SCNN1B: variants seen among roughly 807,000 people sequenced by gnomAD.
The protein encoded by SCNN1B is sodium channel epithelial 1 subunit beta.
A neutral mutation model predicts 65.3 loss-of-function variants in SCNN1B; 46 were observed. The observed-to-expected ratio is 0.70, with a 90% CI of 0.56 to 0.90. The LOEUF is 0.90. Ranked by LOEUF, SCNN1B falls within the 40% of genes least tolerant of loss-of-function variation. The pLI is 0.00. For synonymous variants in SCNN1B, 349 were observed against 330.6 expected (o/e 1.06, Z -0.60); for missense variants, 751 against 830.5 (o/e 0.90, Z 1.18).
At chr16:23,364,927 A>G (rs1016695294) in intron 4 of SCNN1B, among the ~76,000 whole-genome samples, 2 of 152,076 alleles carry the variant, frequency 1.3e-5, no homozygotes, top group Non-Finnish European at 2.9e-5. Context: ...GGAGTTCGAG[A>G]CCAGCCTGGC....
rs13306631 is a variant in SCNN1B, at chr16:23,380,947, G to A, written c.*146G>A. ...TGTGTCCTTCAACAGAGAGGCCAGC[G>A]GCAACTGGTCCGTTACTGGCCAAGG... On this transcript the variant is annotated 3_prime_UTR_variant, in exon 13 of 13. Coordinates refer to ENST00000343070, the MANE Select transcript of SCNN1B (RefSeq NM_000336.3). This position sits in a 1 kb window ranked among gnomAD's most constrained non-coding sequence, Gnocchi z 5.4. The A allele has an allele frequency of 9.2e-6, 8 of 867,404 alleles. No homozygotes were observed. The highest frequency in any genetic ancestry group is 2.4e-5 in the East Asian group (1 of 41,398). The allele number at this position is 867,404 out of a possible 1,614,324, so 53.7% of individuals were successfully genotyped here.
At chr16:23,332,927 G>C (rs1401940932) in intron 1 of SCNN1B, among the ~76,000 whole-genome samples, 1 of 152,080 alleles carries the variant, frequency 6.6e-6, no homozygotes, top group Non-Finnish European at 1.5e-5. Context: ...AAACTTAGCT[G>C]GACGCGGCGG....
chr16:23,321,195 C>A (rs917378182), intron 1 of SCNN1B, among the ~76,000 whole-genome samples: 2 of 152,154 alleles, frequency 1.3e-5, no homozygotes, highest in African/African-American at 4.8e-5. Flanking sequence ...GGGTGTGCCA[C>A]CATGGCCAGC....
chr16:23,323,030 C>CA (rs111533667), intron 1 of SCNN1B, among the ~76,000 whole-genome samples: 5,450 of 132,818 alleles, frequency 0.041, 300 homozygotes, highest in African/African-American at 0.14. Flanking sequence ...ACTAAAAATA[C>CA]AAAAAAAAAA....
rs927033518 is a variant in SCNN1B, at chr16:23,364,260, T to C, written c.777-3596T>C. On this transcript the variant is annotated intron_variant, in intron 4 of 12. Transcript: ENST00000343070. ...TATTACTATTAGTAATAAAGTACTA[T>C]TAACTAATAGTTCTAGTCCATCACT... 2.0e-5 allele frequency among the ~76,000 whole-genome samples: 3 copies of C among 152,220 alleles called. No homozygotes were observed. The East Asian group carries it at 5.8e-4, about 29-fold the overall frequency.
chr16:23,315,988 C>T (rs995314839), intron 1 of SCNN1B, among the ~76,000 whole-genome samples: 4 of 150,580 alleles, frequency 2.7e-5, no homozygotes, highest in Non-Finnish European at 4.4e-5. Context: ...TCACCATCAT[C>T]GCCATCATCA....
chr16:23,320,853 C>T (rs555448403), intron 1 of SCNN1B, among the ~76,000 whole-genome samples: 44 of 152,280 alleles, frequency 2.9e-4, no homozygotes, highest in African/African-American at 8.9e-4. Context: ...GCCTCAGGGA[C>T]GGGGCAGGGC....
At chr16:23,340,065 A>AT (rs1195777844) in intron 1 of SCNN1B, among the ~76,000 whole-genome samples, 1 of 151,716 alleles carries the variant, frequency 6.6e-6, no homozygotes, top group Admixed American at 6.6e-5. Context: ...GATGGTGAGC[A>AT]TTTTTTTGCA....
chr16:23,349,412 A>G lies in SCNN1B; in HGVS notation c.311+502A>G, dbSNP rs548073510. 6.0e-4 allele frequency among the ~76,000 whole-genome samples: 91 copies of G among 152,206 alleles called. 1 individual carries two copies. Among genetic ancestry groups the G allele is most frequent in the Non-Finnish European group, 2.1e-4 (14 of 68,036 alleles). On this transcript the variant is annotated intron_variant, in intron 2 of 12. Transcript: ENST00000343070. ...AGAGGTGGGAGAACTGCTTGAGCCC[A>G]GGAGCTCGAGGCTGCAGTGGGCTGA...
chr16:23,325,230 G>C (rs139033305), intron 1 of SCNN1B, among the ~76,000 whole-genome samples: 2,359 of 152,020 alleles, frequency 0.016, 62 homozygotes, highest in African/African-American at 0.05. Flanking sequence ...TTGATTGAAC[G>C]CTCTCCCTTT....
At chr16:23,292,008 C>A (rs988810264) in intron 2 of SCNN1B, among the ~76,000 whole-genome samples, 1 of 151,742 alleles carries the variant, frequency 6.6e-6, no homozygotes, top group Non-Finnish European at 1.5e-5. Context: ...TTTTTTCTCT[C>A]ACGCCCCACA....
intron 1 of SCNN1B, among the ~76,000 whole-genome samples, chr16:23,283,366 A>G (rs774701675): frequency 1.3e-5 from 2 of 152,214 alleles, no homozygotes; most frequent in Non-Finnish European, 2.9e-5. Context: ...ACCCAAGATC[A>G]CGACACTGCA....
intron 2 of SCNN1B, among the ~76,000 whole-genome samples, chr16:23,296,425 C>T (rs965988488): frequency 4.6e-5 from 7 of 152,134 alleles, no homozygotes; most frequent in African/African-American, 1.7e-4. Flanking sequence ...TGGATCTCTC[C>T]GGTCCCCTAC....
At chr16:23,306,007 C>T (rs1027125725) in intron 1 of SCNN1B, among the ~76,000 whole-genome samples, 4 of 152,132 alleles carry the variant, frequency 2.6e-5, no homozygotes, top group African/African-American at 9.7e-5. Flanking sequence ...CTTTGGGAGG[C>T]TGAGGCGGGT....
chr16:23,326,167 T>C (rs1196676146), intron 1 of SCNN1B, among the ~76,000 whole-genome samples: 2 of 152,010 alleles, frequency 1.3e-5, no homozygotes, highest in Non-Finnish European at 2.9e-5. Context: ...TGCCTAACAA[T>C]AGATTTTTTC....
chr16:23,304,547 C>T (rs887353206), intron 1 of SCNN1B, among the ~76,000 whole-genome samples: 1 of 152,190 alleles, frequency 6.6e-6, no homozygotes, highest in Admixed American at 6.6e-5. Context: ...TCTCTAGATG[C>T]CCTCCAAAGC....
chr16:23,291,467 TGTGTGTAA>T (rs1345692071), intron 2 of SCNN1B, among the ~76,000 whole-genome samples: 1 of 131,458 alleles, frequency 7.6e-6, no homozygotes, highest in African/African-American at 3.6e-5. Context: ...TATATATGTG[TGTGTGTAA>T]GTGTGTGTGT....
At chr16:23,339,267 C>A (rs1962004636) in intron 1 of SCNN1B, among the ~76,000 whole-genome samples, 1 of 151,488 alleles carries the variant, frequency 6.6e-6, no homozygotes, top group African/African-American at 2.4e-5. Context: ...TATTTCTTCC[C>A]CTGTTGGTGG....
chr16:23,361,177 C>T (rs1962547220), intron 4 of SCNN1B, among the ~76,000 whole-genome samples: 2 of 152,186 alleles, frequency 1.3e-5, no homozygotes, highest in African/African-American at 4.8e-5. Context: ...TTATCTGCTG[C>T]CATAGCCTCC....
Sources: gnomAD v4.1 joint callset for allele counts (sites outside exome capture counted in the v4.1 genomes callset) on GRCh38, gnomAD v4.1.1 for gene constraint, Gnocchi (gnomAD v3.1) non-coding constraint, MANE v1.5 for transcripts, NCBI Gene and HGNC (gene_info 2026-07-23, HGNC 2026-07-21) for gene names.